Variants in DLGAP4 observed in about 807,000 individuals in gnomAD.
DLGAP4 encodes DLG associated protein 4.
DLGAP4 carries 18 observed loss-of-function variants against 86.9 expected under a neutral mutation model. The observed-to-expected ratio is 0.21, with a 90% confidence interval of 0.14 to 0.31. The LOEUF is 0.31. Among genes scored for constraint, DLGAP4 ranks in the 10% least tolerant of loss-of-function variants. DLGAP4 has a pLI of 1.00. For synonymous variants in DLGAP4, 548 were observed against 574.3 expected, an observed-to-expected ratio of 0.95 and a Z score of 0.65; for missense variants, 1,085 against 1,362.6, an observed-to-expected ratio of 0.80 and a Z score of 3.21.
At chr20:36,381,296 T>C (rs568123612) in intron 2 of DLGAP4, among the ~76,000 whole-genome samples, 2 of 152,334 alleles carry the variant, frequency 1.3e-5, no homozygotes, top group South Asian at 4.1e-4. Flanking sequence ...AGGAAACAAA[T>C]TCACTCTACT....
intron 10 of DLGAP4, among the ~76,000 whole-genome samples, chr20:36,510,600 G>A (rs578012253): frequency 2.6e-4 from 40 of 151,884 alleles, no homozygotes; most frequent in African/African-American, 9.4e-4. Flanking sequence ...TACTAGAGAT[G>A]GGGTTTCACC....
chr20:36,499,462 C>T lies in DLGAP4; in HGVS notation c.2011-126C>T, dbSNP rs1032085786. 36 of 1,343,132 alleles carry T rather than the reference C, an allele frequency of 2.7e-5. No individual in the cohort carries two copies. In the East Asian group the frequency reaches 5.5e-4, roughly 20 times the overall value. The allele number at this position is 1,343,132 out of a possible 1,614,324, so 83.2% of individuals were successfully genotyped here. A position where few individuals can be genotyped will look rare whatever the true frequency, so the allele number is the denominator to read the frequency against. On this transcript the variant is annotated intron_variant, in intron 8 of 12. Coordinates refer to ENST00000339266, the MANE Select transcript of DLGAP4 (RefSeq NM_001365621.2). Reference sequence around the variant, plus strand: ...GCCCACGTGCAGTGTCCGCATGCCTCGTGTCTGTCTGTCCACACGTCCGTT... The same window carrying T: ...GCCCACGTGCAGTGTCCGCATGCCTTGTGTCTGTCTGTCCACACGTCCGTT...
chr20:36,423,300 A>G (rs1478196029), intron 2 of DLGAP4, among the ~76,000 whole-genome samples: 1 of 151,664 alleles, frequency 6.6e-6, no homozygotes, highest in Non-Finnish European at 1.5e-5. Flanking sequence ...TACCAAAAGT[A>G]CAAAAATTAG....
At chr20:36,477,520 T>C (rs971015894) in intron 7 of DLGAP4, among the ~76,000 whole-genome samples, 3 of 152,200 alleles carry the variant, frequency 2.0e-5, no homozygotes, top group African/African-American at 7.2e-5. Context: ...CCAAAGCCCC[T>C]GGTGGCTTTG....
chr20:36,422,588 G>T (rs752526437), intron 2 of DLGAP4, among the ~76,000 whole-genome samples: 42 of 152,192 alleles, frequency 2.8e-4, no homozygotes, highest in Non-Finnish European at 4.4e-5. Flanking sequence ...GATGCAGTCA[G>T]GTGAGTTTTG....
At position 36,361,024 on chromosome 20, in the gene DLGAP4, G is replaced by A. The variant is rs112425179; in HGVS notation, c.-303-6021G>A. 5.4e-3 allele frequency among the ~76,000 whole-genome samples: 828 copies of A among 152,002 alleles called. 8 individuals carry two copies. The highest frequency in any genetic ancestry group is 0.014 in the Middle Eastern group (4 of 294). ...GATTCGAGTCGTGGGGGCCAATGGCGTCACCACCTGGGAGCTGGGCATGGG... is the reference window on the plus strand; with the variant it reads ...GATTCGAGTCGTGGGGGCCAATGGCATCACCACCTGGGAGCTGGGCATGGG... On this transcript the variant is annotated intron_variant, in intron 1 of 12. Transcript: ENST00000339266.
chr20:36,352,027 G>A (rs1198314230), intron 1 of DLGAP4, among the ~76,000 whole-genome samples: 1 of 152,190 alleles, frequency 6.6e-6, no homozygotes, highest in Non-Finnish European at 1.5e-5. Flanking sequence ...GTCCAGGAAG[G>A]CCTCTCTGAG....
At position 36,436,235 on chromosome 20, in the gene DLGAP4, G is replaced by C; in HGVS notation, c.1126G>C (p.Glu376Gln). 6 of 1,605,656 alleles carry C rather than the reference G, an allele frequency of 3.7e-6. No individual in the cohort carries two copies. Among genetic ancestry groups the C allele is most frequent in the Non-Finnish European group, 5.1e-6 (6 of 1,179,432 alleles). Residue 376 changes from glutamate (E) to glutamine (Q), a missense_variant, in exon 4 of 13, where the codon GAG becomes CAG. Physicochemically the swap from Glu to Gln is conservative, Grantham distance 29. Transcript: ENST00000339266. ...CAGCTACATCAAGGCCATGGGCGAC[G>C]AGGACAGCGACGAGTCCGGCGGCAG... Reference protein sequence around the residue: ...SGSYIKAMGDEDSDESGGSPK... With the variant: ...SGSYIKAMGDQDSDESGGSPK...
chr20:36,400,448 T>G (rs1276356955), intron 2 of DLGAP4, among the ~76,000 whole-genome samples: 2 of 152,270 alleles, frequency 1.3e-5, no homozygotes, highest in Non-Finnish European at 2.9e-5. Flanking sequence ...TAAATTACTT[T>G]CCTTTCACTT....
intron 7 of DLGAP4, 27 bp from the exon 8 acceptor site, chr20:36,496,678 C>T: frequency 6.3e-7 from 1 of 1,582,356 alleles, no homozygotes; most frequent in Non-Finnish European, 8.6e-7. Context: ...CTCACCTCTC[C>T]CCTGCCCTTC....
chr20:36,421,390 A>G (rs2032821705), intron 2 of DLGAP4, among the ~76,000 whole-genome samples: 1 of 151,440 alleles, frequency 6.6e-6, no homozygotes, highest in African/African-American at 2.4e-5. Context: ...CCTGGGAAGC[A>G]GAGGTTGCAG....
At chr20:36,485,653 T>G (rs1019977909) in intron 7 of DLGAP4, among the ~76,000 whole-genome samples, 1 of 152,188 alleles carries the variant, frequency 6.6e-6, no homozygotes, top group Non-Finnish European at 1.5e-5. Flanking sequence ...AGCAGAGCTT[T>G]CTGCGCTGCC....
intron 7 of DLGAP4, among the ~76,000 whole-genome samples, chr20:36,491,030 TAAAAAAAAAA>T (rs757935259): frequency 2.0e-5 from 2 of 101,440 alleles, no homozygotes; most frequent in African/African-American, 7.2e-5. Context: ...CCATCTCTAC[TAAAAAAAAAA>T]AAAAAAAAAA....
At chr20:36,477,404 A>G (rs1326723863) in intron 7 of DLGAP4, among the ~76,000 whole-genome samples, 1 of 152,226 alleles carries the variant, frequency 6.6e-6, no homozygotes, top group Non-Finnish European at 1.5e-5. Context: ...CAATTCTCCA[A>G]GTTAATGCAC....
At chr20:36,464,776 G>A (rs2034264851) in intron 7 of DLGAP4, among the ~76,000 whole-genome samples, 1 of 152,108 alleles carries the variant, frequency 6.6e-6, no homozygotes, top group South Asian at 2.1e-4. Context: ...TTTGAACCTG[G>A]GAAGCGGAGG....
intron 7 of DLGAP4, among the ~76,000 whole-genome samples, chr20:36,476,140 C>T (rs942554720): frequency 4.6e-5 from 7 of 151,574 alleles, no homozygotes; most frequent in Middle Eastern, 3.4e-3. Flanking sequence ...ATTACACACG[C>T]GCCCGGCCCT....
At chr20:36,415,476 A>G (rs2032627040) in intron 2 of DLGAP4, among the ~76,000 whole-genome samples, 1 of 152,080 alleles carries the variant, frequency 6.6e-6, no homozygotes, top group Non-Finnish European at 1.5e-5. Context: ...TCCTTCCTCT[A>G]GCACCCTGAC....
At chr20:36,435,380 G>A (rs1250267386) in intron 3 of DLGAP4, among the ~76,000 whole-genome samples, 1 of 152,222 alleles carries the variant, frequency 6.6e-6, no homozygotes, top group Non-Finnish European at 1.5e-5. Context: ...CAGAAGGACA[G>A]GGAAGGTCCC....
At chr20:36,509,965 T>A (rs2036598054) in intron 10 of DLGAP4, among the ~76,000 whole-genome samples, 1 of 151,838 alleles carries the variant, frequency 6.6e-6, no homozygotes, top group Non-Finnish European at 1.5e-5. Context: ...CAAGCGATTC[T>A]CTTGTCCCAG....
Sources: gnomAD v4.1 joint callset for allele counts (sites outside exome capture counted in the v4.1 genomes callset) on GRCh38, gnomAD v4.1.1 for gene constraint, MANE v1.5 for transcripts, NCBI Gene and HGNC (gene_info 2026-07-23, HGNC 2026-07-21) for gene names.